COL11A1: variants seen among roughly 807,000 people sequenced by gnomAD.
COL11A1 encodes collagen alpha-1(XI) chain.
A neutral mutation model predicts 265.2 loss-of-function variants in COL11A1; 74 were observed. That is an observed-to-expected ratio of 0.28 (90% CI 0.23 to 0.34). The LOEUF (loss-of-function observed/expected upper bound fraction) is 0.34, where lower values mean the gene tolerates loss of function less well. Among genes scored for constraint, COL11A1 ranks in the 10% least tolerant of loss-of-function variants. The pLI, the probability that COL11A1 is intolerant of heterozygous loss-of-function variation, is 1.00. For synonymous variants in COL11A1, 816 were observed against 727.6 expected, an observed-to-expected ratio of 1.12 and a Z score of -1.96; for missense variants, 2,165 against 2,263.6, an observed-to-expected ratio of 0.96 and a Z score of 0.88.
intron 4 of COL11A1, among the ~76,000 whole-genome samples, chr1:103,049,707 C>A (rs560565300): frequency 2.0e-5 from 3 of 152,172 alleles, no homozygotes; most frequent in Non-Finnish European, 4.4e-5. Context: ...ATGGTCTTTA[C>A]AATTTGGCAT....
chr1:102,916,702 C>A (rs1399320198), intron 49 of COL11A1, among the ~76,000 whole-genome samples: 1 of 151,912 alleles, frequency 6.6e-6, no homozygotes, highest in African/African-American at 2.4e-5. Context: ...TCTTAAATTA[C>A]CCACTTAATG....
intron 54 of COL11A1, among the ~76,000 whole-genome samples, chr1:102,901,403 C>T (rs1437547120): frequency 2.0e-5 from 3 of 151,674 alleles, no homozygotes; most frequent in African/African-American, 7.3e-5. Flanking sequence ...CATGGTATGA[C>T]ACTGCAACAA....
At chr1:102,975,937 C>T (rs71512566) in intron 35 of COL11A1, among the ~76,000 whole-genome samples, 3,284 of 152,060 alleles carry the variant, frequency 0.022, 60 homozygotes, top group Middle Eastern at 0.092. Flanking sequence ...TAAAAAGTAA[C>T]TTCAAAGTTA....
rs532767648 is a variant in COL11A1, at chr1:103,025,877, G to C, written c.898-264C>G. On this transcript the variant is annotated intron_variant, in intron 6 of 66. Transcript: ENST00000370096. ...GATGAAAATTTTTCAGATTTGGGGG[G>C]TGTAAACTTTTTGGATTTTTCCTTT... 7 of 1,613,138 alleles carry C rather than the reference G, an allele frequency of 4.3e-6. No individual in the cohort carries two copies. The African/African-American group carries it at 5.3e-5, about 12-fold the overall frequency.
At chr1:102,989,363 C>T (rs553348919) in intron 29 of COL11A1, among the ~76,000 whole-genome samples, 155 bp downstream of exon 29, 12 of 151,820 alleles carry the variant, frequency 7.9e-5, no homozygotes, top group African/African-American at 2.9e-4. Flanking sequence ...AAATTAAAAT[C>T]CTTAAATCTT....
chr1:102,931,615 G>C (rs1657456082), intron 46 of COL11A1, among the ~76,000 whole-genome samples: 1 of 151,944 alleles, frequency 6.6e-6, no homozygotes, highest in Non-Finnish European at 1.5e-5. Context: ...AGGTCCACTT[G>C]GTGCAGAGCT....
intron 14 of COL11A1, among the ~76,000 whole-genome samples, chr1:103,010,467 T>C (rs1326846617): frequency 6.6e-6 from 1 of 152,138 alleles, no homozygotes; most frequent in African/African-American, 2.4e-5. Flanking sequence ...GCCTATGACT[T>C]TGAGAATGTG....
intron 4 of COL11A1, among the ~76,000 whole-genome samples, chr1:103,046,349 T>C (rs1394763246): frequency 1.4e-5 from 2 of 145,304 alleles, no homozygotes; most frequent in East Asian, 4.0e-4. Flanking sequence ...ATTTCTCTGA[T>C]GGCCAGTGAT....
chr1:103,054,766 T>C (rs1374079612), intron 4 of COL11A1, among the ~76,000 whole-genome samples: 1 of 152,024 alleles, frequency 6.6e-6, no homozygotes, highest in Non-Finnish European at 1.5e-5. Flanking sequence ...CCAGGCATGG[T>C]GGTGCATGCC....
At chr1:103,049,932 C>G (rs529445971) in intron 4 of COL11A1, among the ~76,000 whole-genome samples, 40 of 152,206 alleles carry the variant, frequency 2.6e-4, no homozygotes, top group Non-Finnish European at 4.8e-4. Context: ...TTGGCCCCCA[C>G]TCTCTTCTGG....
At chr1:102,937,815 C>T (rs975837198) in intron 44 of COL11A1, among the ~76,000 whole-genome samples, 4 of 152,132 alleles carry the variant, frequency 2.6e-5, no homozygotes, top group African/African-American at 9.7e-5. Flanking sequence ...ATAAATTATC[C>T]AGCCTCGGGT....
Position 102,877,885 on chromosome 1 carries a change from A to G in COL11A1, c.*134T>C. On this transcript the variant is annotated 3_prime_UTR_variant, in exon 67 of 67. Transcript: ENST00000370096. ...ATTCTGCCCCCACAAAGGCATCGGT[A>G]TTTCCTAAATGGTACCTGTATATGC... 1 of 843,020 alleles carries G rather than the reference A, an allele frequency of 1.2e-6. No homozygotes were observed. Among genetic ancestry groups the G allele is most frequent in the Non-Finnish European group, 2.0e-6 (1 of 506,354 alleles). The allele number at this position is 843,020 out of a possible 1,614,324, so 52.2% of individuals were successfully genotyped here.
At position 102,967,227 on chromosome 1, in the gene COL11A1, CTTTTTTTTTTTT is replaced by C. The variant is rs35303945; in HGVS notation, c.2863-1699_2863-1688del. Among the ~76,000 whole-genome samples, 362 of 52,778 alleles carry C rather than the reference CTTTTTTTTTTTT, an allele frequency of 6.9e-3. 1 individual carries two copies. The highest frequency in any genetic ancestry group is 0.028 in the African/African-American group (350 of 12,480). 34.6% of individuals were successfully genotyped at this position (52,778 alleles called of 152,430 possible). Reference sequence around the variant, plus strand: ...CCCACAAAACCAAACATAATAAATTCTTTTTTTTTTTTTTTTTTTTTTTTTTTTTTTGAGACG... The same window carrying C: ...CCCACAAAACCAAACATAATAAATTCTTTTTTTTTTTTTTTTTTTGAGACG... On this transcript the variant is annotated intron_variant, in intron 37 of 66. Transcript: ENST00000370096.
chr1:102,976,286 TGGC>T (rs1392839578), intron 35 of COL11A1, among the ~76,000 whole-genome samples: 3 of 128,662 alleles, frequency 2.3e-5, no homozygotes, highest in African/African-American at 8.7e-5. Flanking sequence ...CAGAAAACGT[TGGC>T]TTTTTTTTTT....
chr1:102,961,831 A>G (rs757756881), intron 41 of COL11A1, 35 bp downstream of exon 41: 5 of 1,592,358 alleles, frequency 3.1e-6, no homozygotes, highest in Non-Finnish European at 2.6e-6. Flanking sequence ...ATTCACAACC[A>G]TGATTGTCTG....
At chr1:103,061,729 A>G (rs1166490883) in intron 4 of COL11A1, among the ~76,000 whole-genome samples, 1 of 152,042 alleles carries the variant, frequency 6.6e-6, no homozygotes, top group African/African-American at 2.4e-5. Context: ...TTGAATGAAT[A>G]TATTAGAAAA....
At chr1:102,894,788 A>G (rs1208862290) in intron 57 of COL11A1, among the ~76,000 whole-genome samples, 1 of 151,928 alleles carries the variant, frequency 6.6e-6, no homozygotes, top group Admixed American at 6.6e-5. Context: ...TATCTTTTTT[A>G]TTTTTGAAAC....
chr1:102,950,856 G>A (rs1659805710), intron 41 of COL11A1, among the ~76,000 whole-genome samples: 1 of 152,074 alleles, frequency 6.6e-6, no homozygotes, highest in Non-Finnish European at 1.5e-5. Context: ...TGAAGACAAT[G>A]GAATCATGAG....
chr1:102,974,832 GA>G lies in COL11A1; in HGVS notation c.2805del (p.Pro936LeufsTer46). On this transcript the variant is annotated frameshift_variant, in exon 36 of 67. Coordinates refer to ENST00000370096, the MANE Select transcript of COL11A1 (RefSeq NM_001854.4). LOFTEE classifies it high-confidence loss of function. ...GPVGFPGPKG[P>X]PGPPGKDGLP... The stretch of plus-strand genomic sequence containing the variant: ...GAAAGAGAAGCTCTGACACTTACAG[GA>G]GGGCCTTTTGGTCCAGGGAATCCAA... 6.2e-7 allele frequency: 1 copy of G among 1,612,466 alleles called. No homozygotes were observed. Among genetic ancestry groups the G allele is most frequent in the South Asian group, 1.1e-5 (1 of 91,050 alleles).
Sources: allele counts gnomAD v4.1 joint callset (sites outside exome capture counted in the v4.1 genomes callset), GRCh38; gene constraint gnomAD v4.1.1; transcripts MANE v1.5; gene names NCBI Gene and HGNC (gene_info 2026-07-23, HGNC 2026-07-21).